SPOCK3: variants seen among roughly 807,000 people sequenced by gnomAD.
SPOCK3 encodes testican-3.
SPOCK3 carries 30 observed loss-of-function variants against 56.6 expected under a neutral mutation model. The ratio of observed to expected loss-of-function variants is 0.53; its 90% CI spans 0.40 to 0.72. The LOEUF (loss-of-function observed/expected upper bound fraction) is 0.72. SPOCK3 is among the 30% of genes least tolerant of loss of function. SPOCK3 has a pLI of 0.00. For synonymous variants in SPOCK3, 196 were observed against 183.3 expected (o/e 1.07, Z -0.56); for missense variants, 527 against 530.0 (o/e 0.99, Z 0.06).
intron 2 of SPOCK3, among the ~76,000 whole-genome samples, chr4:167,186,995 A>T (rs1732043380): frequency 6.6e-6 from 1 of 152,010 alleles, no homozygotes; most frequent in Admixed American, 6.6e-5. Flanking sequence ...AAAAAAAAAA[A>T]AAGACAGTAG....
At chr4:167,192,464 CT>C (rs1337904998) in intron 2 of SPOCK3, among the ~76,000 whole-genome samples, 1 of 145,508 alleles carries the variant, frequency 6.9e-6, no homozygotes, top group Admixed American at 7.1e-5. Flanking sequence ...AATCTTCACC[CT>C]TGTTATTGGC....
At chr4:167,041,938 AAT>A (rs1180687218) in intron 3 of SPOCK3, among the ~76,000 whole-genome samples, 1 of 152,164 alleles carries the variant, frequency 6.6e-6, no homozygotes, top group East Asian at 1.9e-4. Flanking sequence ...GTAAATTATA[AAT>A]ATGATTTAAA....
intron 6 of SPOCK3, among the ~76,000 whole-genome samples, chr4:166,829,632 T>C (rs1745831105): frequency 6.6e-6 from 1 of 152,100 alleles, no homozygotes; most frequent in African/African-American, 2.4e-5. Flanking sequence ...ATTGAGGAAG[T>C]TTCCTGCTTG....
chr4:166,937,192 T>C (rs1226023974), intron 4 of SPOCK3, among the ~76,000 whole-genome samples: 1 of 151,982 alleles, frequency 6.6e-6, no homozygotes, highest in Non-Finnish European at 1.5e-5. Context: ...AAGTGTTTAA[T>C]GCAGCAGAAA....
chr4:166,766,273 A>C (rs1238343867), intron 7 of SPOCK3, among the ~76,000 whole-genome samples: 2 of 152,172 alleles, frequency 1.3e-5, no homozygotes, highest in Admixed American at 1.3e-4. Context: ...GCCAGTTTTC[A>C]AAGGGAATGC....
At chr4:167,119,710 A>C in intron 2 of SPOCK3, 1 of 974,358 alleles carries the variant, frequency 1.0e-6, no homozygotes, top group Non-Finnish European at 1.5e-6. Context: ...GAAGTATTTA[A>C]ATAGAGAACG....
At chr4:167,208,415 G>T (rs1422102262) in intron 2 of SPOCK3, among the ~76,000 whole-genome samples, 1 of 152,060 alleles carries the variant, frequency 6.6e-6, no homozygotes, top group Non-Finnish European at 1.5e-5. Context: ...TCTCCAAATA[G>T]TTACAGACTC....
At chr4:167,035,719 G>A (rs80073171) in intron 3 of SPOCK3, among the ~76,000 whole-genome samples, 3,620 of 152,204 alleles carry the variant, frequency 0.024, 75 homozygotes, top group Middle Eastern at 0.061. Context: ...GAACCCTAGC[G>A]TGAACCTATA....
At chr4:167,080,900 G>A (rs998175653) in intron 2 of SPOCK3, among the ~76,000 whole-genome samples, 1 of 127,256 alleles carries the variant, frequency 7.9e-6, no homozygotes, top group African/African-American at 3.0e-5. Flanking sequence ...TTTTTTTTGA[G>A]ATGGAGTTTT....
intron 4 of SPOCK3, among the ~76,000 whole-genome samples, chr4:166,976,233 T>A (rs1745930079): frequency 6.6e-6 from 1 of 152,168 alleles, no homozygotes; most frequent in South Asian, 2.1e-4. Context: ...TTTGGAGGCA[T>A]CATTGACTTC....
chr4:166,991,343 A>ATATTTATTTATTTATT (rs5863850), intron 4 of SPOCK3, among the ~76,000 whole-genome samples: 24 of 142,908 alleles, frequency 1.7e-4, no homozygotes, highest in South Asian at 2.2e-4. Context: ...TTTTGTTTTT[A>ATATTTATTTATTTATT]TATTTATTTA....
At chr4:166,797,776 TATAAA>T (rs1347845095) in intron 6 of SPOCK3, among the ~76,000 whole-genome samples, 3 of 152,198 alleles carry the variant, frequency 2.0e-5, no homozygotes, top group Non-Finnish European at 4.4e-5. Context: ...AAGTAGCTAC[TATAAA>T]ATATTTATTG....
chr4:167,205,208 T>C (rs867160352), intron 2 of SPOCK3, among the ~76,000 whole-genome samples: 2 of 98,594 alleles, frequency 2.0e-5, no homozygotes, highest in African/African-American at 4.2e-5. Flanking sequence ...ATAATATATA[T>C]TATATATTAT....
intron 6 of SPOCK3, among the ~76,000 whole-genome samples, chr4:166,846,247 T>C (rs768088196): frequency 4.6e-5 from 7 of 152,162 alleles, no homozygotes; most frequent in Admixed American, 2.6e-4. Flanking sequence ...AGAGAAATGC[T>C]ATTAATATAC....
intron 6 of SPOCK3, among the ~76,000 whole-genome samples, chr4:166,841,213 A>C (rs1747262630): frequency 6.6e-6 from 1 of 152,132 alleles, no homozygotes; most frequent in African/African-American, 2.4e-5. Flanking sequence ...GGGTGCAAAA[A>C]CGCTTTAAGG....
At chr4:166,889,095 G>A in intron 6 of SPOCK3, 35 bp downstream of exon 6, 1 of 1,268,470 alleles carries the variant, frequency 7.9e-7, no homozygotes, top group Non-Finnish European at 1.2e-6. Flanking sequence ...AGAGAGTGAT[G>A]AATGTAAAAT....
At chr4:167,007,191 A>T (rs909446926) in intron 3 of SPOCK3, among the ~76,000 whole-genome samples, 4 of 152,140 alleles carry the variant, frequency 2.6e-5, no homozygotes, top group African/African-American at 9.7e-5. Context: ...TCTGTGGCTA[A>T]CACAGTATAT....
At chr4:167,029,773 G>T (rs1337405578) in intron 3 of SPOCK3, among the ~76,000 whole-genome samples, 1 of 151,770 alleles carries the variant, frequency 6.6e-6, no homozygotes, top group Non-Finnish European at 1.5e-5. Flanking sequence ...TGTGACATTT[G>T]TTGCACATGT....
intron 6 of SPOCK3, among the ~76,000 whole-genome samples, chr4:166,820,717 G>A (rs1048033493): frequency 2.0e-5 from 3 of 151,910 alleles, no homozygotes; most frequent in Non-Finnish European, 4.4e-5. Flanking sequence ...CCAGGTACTT[G>A]GGAGGCTGAG....
Sources: allele counts gnomAD v4.1 joint callset (sites outside exome capture counted in the v4.1 genomes callset), GRCh38; gene constraint gnomAD v4.1.1; transcripts MANE v1.5; gene names NCBI Gene and HGNC (gene_info 2026-07-23, HGNC 2026-07-21).